Variants in COL6A5 observed in about 807,000 individuals in gnomAD.
COL6A5 encodes collagen type VI alpha 5 chain.
COL6A5 carries 48 observed loss-of-function variants against 65.6 expected under a neutral mutation model. The observed-to-expected ratio is 0.73, with a 90% CI of 0.58 to 0.93. COL6A5 has a LOEUF of 0.93. COL6A5 is among the 40% of genes least tolerant of loss of function. The pLI, the probability that COL6A5 is intolerant of heterozygous loss-of-function variation, is 0.00. For missense variants in COL6A5, 914 were observed against 928.3 expected (o/e 0.98, Z 0.20); for synonymous variants, 291 against 322.8 (o/e 0.90, Z 1.05).
At chr3:130,352,195 A>T (rs1934746516) in intron 1 of COL6A5, among the ~76,000 whole-genome samples, 1 of 152,078 alleles carries the variant, frequency 6.6e-6, no homozygotes, top group Admixed American at 6.6e-5. Context: ...ATTAGGAGAA[A>T]TACCTAATGT....
At chr3:130,385,391 C>A (rs1162628337) in intron 5 of COL6A5, 27 bp downstream of exon 5, 6 of 1,534,736 alleles carry the variant, frequency 3.9e-6, no homozygotes, top group Non-Finnish European at 4.4e-6. Flanking sequence ...AGGCTTTATT[C>A]TCCACATTTC....
chr3:130,379,327 T>C, intron 3 of COL6A5, 91 bp from the exon 4 acceptor site: 2 of 1,191,160 alleles, frequency 1.7e-6, no homozygotes, highest in Non-Finnish European at 2.3e-6. Context: ...CTACCTCTAT[T>C]CTAACTAATG....
intron 1 of COL6A5, among the ~76,000 whole-genome samples, chr3:130,352,703 G>A (rs1179889916): frequency 2.6e-5 from 4 of 151,946 alleles, no homozygotes; most frequent in African/African-American, 9.7e-5. Context: ...GTGGAGAGGG[G>A]GCAAGTTGTA....
intron 5 of COL6A5, among the ~76,000 whole-genome samples, chr3:130,468,532 C>G (rs914277399): frequency 3.3e-5 from 5 of 151,972 alleles, no homozygotes; most frequent in African/African-American, 1.2e-4. Context: ...TAAATCAGTC[C>G]TTTCACAAAG....
intron 4 of COL6A5, among the ~76,000 whole-genome samples, chr3:130,448,364 A>C (rs979514369): frequency 6.6e-6 from 1 of 152,178 alleles, no homozygotes; most frequent in African/African-American, 2.4e-5. Context: ...GGAGGTCGGA[A>C]TCTCCCAGCA....
chr3:130,430,949 T>G (rs1937776590), upstream of COL6A5, among the ~76,000 whole-genome samples: 1 of 152,202 alleles, frequency 6.6e-6, no homozygotes. Flanking sequence ...AAATATTTGT[T>G]GCATAAGTGG....
At chr3:130,444,075 C>G (rs564201131) in intron 4 of COL6A5, among the ~76,000 whole-genome samples, 1 of 152,100 alleles carries the variant, frequency 6.6e-6, no homozygotes, top group Non-Finnish European at 1.5e-5. Flanking sequence ...AAGAATTCAG[C>G]GATATTTCTC....
chr3:130,420,384 T>G (rs539832396), intron 25 of COL6A5, among the ~76,000 whole-genome samples: 1 of 152,270 alleles, frequency 6.6e-6, no homozygotes, highest in African/African-American at 2.4e-5. Flanking sequence ...CTTCAAAATA[T>G]TCTACTAAAT....
intron 4 of COL6A5, among the ~76,000 whole-genome samples, chr3:130,448,510 G>A (rs1399997965): frequency 3.3e-5 from 5 of 152,100 alleles, no homozygotes; most frequent in South Asian, 4.1e-4. Flanking sequence ...TTTTGAGGTC[G>A]AATGCATTGT....
chr3:130,449,854 A>G (rs1165200573), intron 4 of COL6A5, among the ~76,000 whole-genome samples: 1 of 152,142 alleles, frequency 6.6e-6, no homozygotes, highest in Non-Finnish European at 1.5e-5. Context: ...CATCAACGGA[A>G]TCAGAATTAA....
intron 1 of COL6A5, among the ~76,000 whole-genome samples, chr3:130,346,776 T>C (rs533223447): frequency 6.6e-6 from 1 of 152,356 alleles, no homozygotes; most frequent in South Asian, 2.1e-4. Context: ...AACTGCTTGT[T>C]CTGAAATTAA....
chr3:130,469,041 A>C lies in COL6A5; in HGVS notation c.1793A>C (p.Tyr598Ser), dbSNP rs569002723. 5.6e-6 allele frequency: 9 copies of C among 1,612,886 alleles called. No homozygotes were observed. The Middle Eastern group carries it at 1.2e-3, about 207-fold the overall frequency. The change falls in exon 6 of 8, where the codon TAT becomes TCT. Residue 598 changes from tyrosine to serine, a missense_variant. Coordinates refer to ENST00000512836, the Ensembl canonical transcript of COL6A5. ...GTCCTGAGCTACTCTCCTCCAGGCT[A>C]TATGCCTAACACTGAAGAATGCCCT...
chr3:130,345,865 G>T (rs1240922684), exon 1 of COL6A5: 1 of 398,432 alleles, frequency 2.5e-6, no homozygotes, highest in East Asian at 3.6e-5. Flanking sequence ...ATCCAACTGC[G>T]CCGCGGGCGC....
intron 1 of COL6A5, among the ~76,000 whole-genome samples, chr3:130,434,251 T>G (rs965899043): frequency 7.2e-5 from 11 of 152,230 alleles, no homozygotes; most frequent in African/African-American, 2.7e-4. Context: ...TCCATGTCCC[T>G]GCAAAGGACA....
At chr3:130,376,422 A>G in exon 3 of COL6A5, 1 of 1,613,274 alleles carries the variant, frequency 6.2e-7, no homozygotes, top group Non-Finnish European at 8.5e-7. Context: ...ATTCCATCTG[A>G]GCACCTTCAA....
intron 1 of COL6A5, among the ~76,000 whole-genome samples, chr3:130,363,552 C>G (rs888865293): frequency 1.1e-4 from 16 of 152,272 alleles, no homozygotes; most frequent in Admixed American, 2.6e-4. Context: ...TGATAAAACC[C>G]CAGCAGGTTG....
At chr3:130,429,741 A>T (rs1035763697), upstream of COL6A5, among the ~76,000 whole-genome samples, 4 of 152,160 alleles carry the variant, frequency 2.6e-5, no homozygotes, top group Non-Finnish European at 5.9e-5. Context: ...TGTCAGTGTC[A>T]TGATTGACCT....
chr3:130,472,918 CAT>C (rs1054592855), intron 7 of COL6A5, among the ~76,000 whole-genome samples: 3 of 136,544 alleles, frequency 2.2e-5, no homozygotes, highest in African/African-American at 5.4e-5. Context: ...CATACATAAA[CAT>C]ATATATAGTT....
chr3:130,415,387 C>T lies in COL6A5; in HGVS notation c.4762-258C>T, dbSNP rs567608934. The stretch of plus-strand genomic sequence containing the variant: ...TCCTTTGCTTATAGGTTTCATTTCC[C>T]GCTTTGGCCTATTTTTATTTCCTCT... On this transcript the variant is annotated intron_variant and NMD_transcript_variant, in intron 22 of 41. Coordinates refer to the COL6A5 transcript ENST00000312481. Among the ~76,000 whole-genome samples, 30 of 152,102 alleles carry T rather than the reference C, an allele frequency of 2.0e-4. No homozygotes were observed. The South Asian group carries it at 5.4e-3, about 27-fold the overall frequency.
Sources: allele counts gnomAD v4.1 joint callset (sites outside exome capture counted in the v4.1 genomes callset), GRCh38; gene constraint gnomAD v4.1.1; transcripts MANE v1.5; gene names NCBI Gene and HGNC (gene_info 2026-07-23, HGNC 2026-07-21).